LRRC53: variants seen among roughly 807,000 people sequenced by gnomAD.
The protein encoded by LRRC53 is leucine rich repeat containing 53, also known as leucine-rich repeat-containing protein 53.
LRRC53 carries 25 observed loss-of-function variants against 13.6 expected under a neutral mutation model. The ratio of observed to expected loss-of-function variants is 1.83; its 90% confidence interval spans 1.34 to 2.56. The LOEUF is 2.56. Among genes scored for constraint, LRRC53 ranks in the 30% most tolerant of loss-of-function variants. The pLI is 0.00. For missense variants in LRRC53, 527 were observed against 275.8 expected (o/e 1.91, Z -6.45); for synonymous variants, 204 against 109.8 (o/e 1.86, Z -5.37).
chr1:74,531,810 G>A, the LRRC53 span, among the ~76,000 whole-genome samples: 1 of 152,288 alleles, frequency 6.6e-6, no homozygotes, highest in Middle Eastern at 3.4e-3. Context: ...GGGGATAAGT[G>A]TGCATATGGC....
intron 1 of LRRC53, among the ~76,000 whole-genome samples, chr1:74,511,372 T>C (rs1557617945): frequency 6.6e-6 from 1 of 152,156 alleles, no homozygotes; most frequent in Non-Finnish European, 1.5e-5. Flanking sequence ...TTTGTATTTT[T>C]AGTAGAGATA....
In LRRC53 at chr1:74,510,122, C is replaced by T. The variant is rs1333146712; in HGVS notation, c.-27+2404G>A. ...AAAGGTAGACAGTTCTGAGTTTAAA[C>T]ATGACTTAGAGATGTTTAACTACAT... On this transcript the variant is annotated intron_variant, in intron 1 of 4. Transcript: ENST00000294635. Among the ~76,000 whole-genome samples, 4 of 151,996 alleles carry T rather than the reference C, an allele frequency of 2.6e-5. No homozygotes were observed. The Middle Eastern group carries it at 0.01, about 388-fold the overall frequency.
chr1:74,498,054 G>T (rs1324962430), intron 1 of LRRC53, among the ~76,000 whole-genome samples: 1 of 152,086 alleles, frequency 6.6e-6, no homozygotes, highest in East Asian at 1.9e-4. Context: ...TTAGTGAGCT[G>T]GGACCAGAAT....
the LRRC53 span, among the ~76,000 whole-genome samples, chr1:74,531,439 C>G: frequency 6.6e-6 from 1 of 152,266 alleles, no homozygotes; most frequent in African/African-American, 2.4e-5. Flanking sequence ...GAAATATCAT[C>G]TTACTCTTTA....
chr1:74,484,464 A>G (rs1570683745), intron 1 of LRRC53, among the ~76,000 whole-genome samples: 1 of 152,216 alleles, frequency 6.6e-6, no homozygotes, highest in African/African-American at 2.4e-5. Context: ...CAAATAATAT[A>G]AAATATGTAT....
At chr1:74,503,485 C>T (rs530465784) in intron 1 of LRRC53, among the ~76,000 whole-genome samples, 2 of 152,234 alleles carry the variant, frequency 1.3e-5, no homozygotes, top group African/African-American at 4.8e-5. Flanking sequence ...GAAGAGTTGT[C>T]TTTCTTACTC....
At chr1:74,485,088 T>C (rs867619360) in intron 1 of LRRC53, among the ~76,000 whole-genome samples, 1 of 152,178 alleles carries the variant, frequency 6.6e-6, no homozygotes, top group African/African-American at 2.4e-5. Flanking sequence ...AAATAAACCA[T>C]TGTATCAAAG....
At chr1:74,483,563 G>A (rs894591409) in intron 1 of LRRC53, among the ~76,000 whole-genome samples, 188 bp from the exon 2 acceptor site, 4 of 152,110 alleles carry the variant, frequency 2.6e-5, no homozygotes, top group Non-Finnish European at 5.9e-5. Context: ...AAATGTTAAA[G>A]CATTTGACTA....
chr1:74,511,973 G>A (rs1670250339), intron 1 of LRRC53, among the ~76,000 whole-genome samples: 1 of 152,186 alleles, frequency 6.6e-6, no homozygotes, highest in Non-Finnish European at 1.5e-5. Flanking sequence ...AAAAGAACAT[G>A]GAGTCAAGTA....
intron 1 of LRRC53, among the ~76,000 whole-genome samples, chr1:74,504,236 G>A (rs1002098443): frequency 2.0e-5 from 3 of 152,138 alleles, no homozygotes; most frequent in Non-Finnish European, 2.9e-5. Context: ...AAGGTGATAG[G>A]GCTCTATGTT....
At chr1:74,479,821 G>T (rs1478740294) in intron 3 of LRRC53, among the ~76,000 whole-genome samples, 1 of 152,186 alleles carries the variant, frequency 6.6e-6, no homozygotes, top group East Asian at 1.9e-4. Flanking sequence ...AAGGATGATT[G>T]ATGAAATATA....
At chr1:74,497,832 A>C (rs1185601332) in intron 1 of LRRC53, among the ~76,000 whole-genome samples, 1 of 152,188 alleles carries the variant, frequency 6.6e-6, no homozygotes, top group African/African-American at 2.4e-5. Flanking sequence ...TTCTAAAATT[A>C]AGTGAATTCC....
chr1:74,485,464 T>A (rs1406652597), intron 1 of LRRC53, among the ~76,000 whole-genome samples: 1 of 152,192 alleles, frequency 6.6e-6, no homozygotes, highest in Non-Finnish European at 1.5e-5. Context: ...CAGGATCTCC[T>A]CTCATTCTCT....
rs1034032829 is a variant in LRRC53, at chr1:74,470,458, C to T, written c.3164G>A (p.Ser1055Asn). 4.7e-5 allele frequency: 19 copies of T among 400,528 alleles called. No individual in the cohort carries two copies. Among genetic ancestry groups the T allele is most frequent in the African/African-American group, 3.9e-4 (19 of 48,674 alleles). 24.8% of individuals were successfully genotyped at this position (400,528 alleles called of 1,614,324 possible). A position where few individuals can be genotyped will look rare whatever the true frequency, so the allele number is the denominator to read the frequency against. ...SQAVWHLTNS[S>N]EKGIDSTNAL... Reference sequence around the variant, plus strand: ...ATTTGTGCTGTCAATTCCTTTTTCGCTACTATTGGTTAGGTGCCAAACGGC... The same window carrying T: ...ATTTGTGCTGTCAATTCCTTTTTCGTTACTATTGGTTAGGTGCCAAACGGC... Residue 1055 changes from serine to asparagine, a missense_variant, in exon 5 of 5, where the codon AGC becomes AAC. Ser to Asn is a conservative substitution (Grantham distance 46, BLOSUM62 1). Coordinates refer to ENST00000294635, the MANE Select transcript of LRRC53 (RefSeq NM_001382280.1).
At chr1:74,532,160 A>G in the LRRC53 span, among the ~76,000 whole-genome samples, 17 of 152,312 alleles carry the variant, frequency 1.1e-4, no homozygotes, top group African/African-American at 3.8e-4. Context: ...TGAGAGGAAT[A>G]ATAAATTTCT....
intron 1 of LRRC53, among the ~76,000 whole-genome samples, chr1:74,507,444 G>A (rs1433309732): frequency 2.6e-5 from 4 of 152,008 alleles, no homozygotes; most frequent in Non-Finnish European, 2.9e-5. Context: ...ACACACATGC[G>A]CACGCACTTA....
intron 1 of LRRC53, among the ~76,000 whole-genome samples, chr1:74,486,175 G>A (rs1668749326): frequency 1.4e-5 from 2 of 146,376 alleles, no homozygotes; most frequent in African/African-American, 5.0e-5. Flanking sequence ...ATGCAGAAGT[G>A]GTCTACCCTC....
Position 74,491,217 on chromosome 1 carries a change from T to TTTTG in LRRC53, c.-26-7846_-26-7843dup, listed in dbSNP as rs563665454. ...GATAATTAGGGTGAGTCCAACAGGT[T>TTTTG]TTTGTTTGTTTGTTTGTTTTTGAGA... On this transcript the variant is annotated intron_variant, in intron 1 of 4. Transcript: ENST00000294635. 1.2e-4 allele frequency among the ~76,000 whole-genome samples: 18 copies of TTTTG among 151,742 alleles called. No homozygotes were observed. The South Asian group carries it at 1.5e-3, about 12-fold the overall frequency.
chr1:74,480,664 G>T lies in LRRC53; in HGVS notation c.393C>A (p.Ser131Arg), dbSNP rs199845398. The T allele has an allele frequency of 2.8e-6, 2 of 717,132 alleles. No homozygotes were observed. Among genetic ancestry groups the T allele is most frequent in the African/African-American group, 1.7e-5 (1 of 57,252 alleles). 44.4% of individuals were successfully genotyped at this position (717,132 alleles called of 1,614,324 possible). A position where few individuals can be genotyped will look rare whatever the true frequency, so the allele number is the denominator to read the frequency against. Residue 131 changes from serine to arginine, a missense_variant, in exon 3 of 5, where the codon AGC becomes AGA. Coordinates refer to ENST00000294635, the MANE Select transcript of LRRC53 (RefSeq NM_001382280.1). ...CATCCAGCTGGAGCCGGGTCAGGCC[G>T]CTTGTGTTTCGGAACCAAGACCCTC... ...TLRGSWFRNT[S>R]GLTRLQLDGN... is the part of the protein sequence containing the mutation.
Sources: allele counts gnomAD v4.1 joint callset (sites outside exome capture counted in the v4.1 genomes callset), GRCh38; gene constraint gnomAD v4.1.1; transcripts MANE v1.5; gene names NCBI Gene and HGNC (gene_info 2026-07-23, HGNC 2026-07-21).